Variants in ERC1 observed in about 807,000 individuals in gnomAD.
ERC1 encodes the protein ELKS/RAB6-interacting/CAST family member 1.
ERC1 carries 56 observed loss-of-function variants against 132.0 expected under a neutral mutation model. That is an observed-to-expected ratio of 0.42 (90% CI 0.34 to 0.53). The LOEUF is 0.53. Ranked by LOEUF, ERC1 falls within the 20% of genes least tolerant of loss-of-function variation. The pLI is 0.03. For missense variants in ERC1, 1,202 were observed against 1,349.9 expected (o/e 0.89, Z 1.72); for synonymous variants, 478 against 476.1 (o/e 1.00, Z -0.05).
chr12:1,273,172 G>C (rs1354659653), intron 14 of ERC1, among the ~76,000 whole-genome samples: 2 of 152,168 alleles, frequency 1.3e-5, no homozygotes, highest in East Asian at 3.9e-4. Flanking sequence ...GAAGCAGGAA[G>C]ATACGGAAAT....
At chr12:1,004,663 C>A (rs948252536) in intron 1 of ERC1, among the ~76,000 whole-genome samples, 20 of 151,764 alleles carry the variant, frequency 1.3e-4, no homozygotes, top group African/African-American at 4.3e-4. Context: ...CCTTGGCCCC[C>A]CAAAGTGCTG....
At position 1,027,883 on chromosome 12, in the gene ERC1, A is replaced by G. The variant is rs753375786; in HGVS notation, c.-21A>G. ...TTGTTGTTGTTGATTTTCTGCTCAC[A>G]CCTTTCCTGACCTTGCAACCATGTA... On this transcript the variant is annotated 5_prime_UTR_variant, in exon 2 of 19. Coordinates refer to ENST00000360905, the MANE Select transcript of ERC1 (RefSeq NM_178040.4). 1.5e-5 allele frequency: 24 copies of G among 1,571,856 alleles called. No homozygotes were observed. The highest frequency in any genetic ancestry group is 4.5e-5 in the East Asian group (2 of 44,332).
intron 2 of ERC1, among the ~76,000 whole-genome samples, chr12:1,056,754 G>A (rs377338587): frequency 5.3e-5 from 8 of 152,144 alleles, no homozygotes; most frequent in African/African-American, 1.4e-4. Context: ...CCAGGTAGCC[G>A]TTTTCTGTTA....
intron 2 of ERC1, among the ~76,000 whole-genome samples, chr12:1,061,613 G>GCAA (rs1185190548): frequency 6.6e-6 from 1 of 151,914 alleles, no homozygotes; most frequent in Non-Finnish European, 1.5e-5. Flanking sequence ...AGAAACAGCA[G>GCAA]CAACAACAAC....
chr12:1,363,598 A>C (rs1359489374), intron 15 of ERC1, among the ~76,000 whole-genome samples: 1 of 131,362 alleles, frequency 7.6e-6, no homozygotes, highest in Admixed American at 9.4e-5. Flanking sequence ...TGCCACCTAG[A>C]CTGGAATGCA....
chr12:1,428,583 C>CT (rs1565419018), intron 17 of ERC1, among the ~76,000 whole-genome samples: 1 of 152,094 alleles, frequency 6.6e-6, no homozygotes, highest in Admixed American at 6.6e-5. Context: ...GGAAGACAGG[C>CT]CTAACACTTG....
At chr12:1,091,362 A>G (rs2154191932) in intron 3 of ERC1, among the ~76,000 whole-genome samples, 2 of 152,294 alleles carry the variant, frequency 1.3e-5, no homozygotes, top group South Asian at 2.1e-4. Flanking sequence ...CTTTCAGTGG[A>G]GATCTGAAGA....
chr12:1,231,907 T>A (rs916651200), intron 12 of ERC1, among the ~76,000 whole-genome samples: 4 of 152,106 alleles, frequency 2.6e-5, no homozygotes, highest in African/African-American at 9.7e-5. Flanking sequence ...GCCCAGCTAA[T>A]TTTTGTATTT....
chr12:1,467,814 A>G lies in ERC1; in HGVS notation c.3214-22279A>G, dbSNP rs376991656. ...GGGAGACAGTGATAGATTATCAGGC[A>G]TTAGATTCTCATAAGGAGCACGCGG... On this transcript the variant is annotated intron_variant, in intron 18 of 18. Transcript: ENST00000360905. Among the ~76,000 whole-genome samples the G allele has an allele frequency of 3.0e-4, 45 of 152,350 alleles. 3 individuals carry two copies. In the South Asian group the frequency reaches 9.3e-3, roughly 32 times the overall value.
chr12:1,384,773 C>T (rs2089132170), intron 16 of ERC1, among the ~76,000 whole-genome samples: 1 of 152,076 alleles, frequency 6.6e-6, no homozygotes, highest in Non-Finnish European at 1.5e-5. Context: ...AGTTGGTTTT[C>T]AGGGTAGAGA....
At chr12:1,463,882 C>G (rs1485671637) in intron 18 of ERC1, among the ~76,000 whole-genome samples, 4 of 151,446 alleles carry the variant, frequency 2.6e-5, no homozygotes, top group Non-Finnish European at 5.9e-5. Flanking sequence ...AAATCTCTGG[C>G]AAGGAAAAGC....
At chr12:995,267 T>TAATA (rs1224546390) in intron 1 of ERC1, among the ~76,000 whole-genome samples, 1 of 152,046 alleles carries the variant, frequency 6.6e-6, no homozygotes, top group Admixed American at 6.6e-5. Context: ...CTCAAATAAA[T>TAATA]AATAAATAAA....
chr12:1,290,047 C>G, intron 15 of ERC1, 35 bp downstream of exon 15: 1 of 1,581,210 alleles, frequency 6.3e-7, no homozygotes, highest in Non-Finnish European at 8.7e-7. Context: ...CAAGCATATG[C>G]TTAGTGGAAA....
chr12:1,289,817 A>T, intron 14 of ERC1, 35 bp from the exon 15 acceptor site: 1 of 1,591,852 alleles, frequency 6.3e-7, no homozygotes, highest in South Asian at 1.1e-5. Flanking sequence ...ATTGATCAAG[A>T]CACTCTGTTG....
At chr12:1,017,197 A>G (rs1038865735) in intron 1 of ERC1, among the ~76,000 whole-genome samples, 12 of 151,904 alleles carry the variant, frequency 7.9e-5, no homozygotes, top group African/African-American at 2.9e-4. Context: ...GGGTTTCACC[A>G]TGCTGGTCAG....
intron 18 of ERC1, among the ~76,000 whole-genome samples, chr12:1,449,195 T>C (rs1469289613): frequency 1.3e-5 from 2 of 152,164 alleles, no homozygotes; most frequent in Non-Finnish European, 2.9e-5. Context: ...TGCTTTTGAT[T>C]TTACAGGCTT....
At chr12:1,116,077 C>A (rs758020421) in intron 7 of ERC1, 44 bp downstream of exon 7, 1 of 1,559,626 alleles carries the variant, frequency 6.4e-7, no homozygotes, top group Non-Finnish European at 8.7e-7. Flanking sequence ...TTTCTTGGCA[C>A]CTTTTCATAA....
intron 15 of ERC1, among the ~76,000 whole-genome samples, chr12:1,302,314 T>C (rs2080464058): frequency 1.3e-5 from 2 of 152,190 alleles, no homozygotes; most frequent in South Asian, 4.1e-4. Context: ...TATGATAAAA[T>C]ATCTTAGCTG....
chr12:995,314 T>C (rs1960609570), intron 1 of ERC1, among the ~76,000 whole-genome samples: 1 of 152,074 alleles, frequency 6.6e-6, no homozygotes, highest in African/African-American at 2.4e-5. Context: ...TTATGCTGTA[T>C]TGTTCCAGGT....
Sources: allele counts gnomAD v4.1 joint callset (sites outside exome capture counted in the v4.1 genomes callset), GRCh38; gene constraint gnomAD v4.1.1; transcripts MANE v1.5; gene names NCBI Gene and HGNC (gene_info 2026-07-23, HGNC 2026-07-21).